HTR7: variants seen among roughly 807,000 people sequenced by gnomAD.
The protein encoded by HTR7 is 5-hydroxytryptamine receptor 7.
Under a neutral mutation model 34.0 loss-of-function variants are expected in HTR7, and 16 were observed. The observed-to-expected ratio is 0.47, with a 90% CI of 0.32 to 0.71. The LOEUF is 0.71. Among genes scored for constraint, HTR7 ranks in the 30% least tolerant of loss-of-function variants. The pLI is 0.04. For synonymous variants in HTR7, 265 were observed against 260.2 expected (o/e 1.02, Z -0.18); for missense variants, 504 against 625.5 (o/e 0.81, Z 2.07).
intron 1 of HTR7, among the ~76,000 whole-genome samples, chr10:90,855,986 A>T (rs1781153401): frequency 6.6e-6 from 1 of 152,196 alleles, no homozygotes; most frequent in African/African-American, 2.4e-5. Flanking sequence ...AGCAAACCAC[A>T]AACAGCAGTG....
Position 90,857,038 on chromosome 10 carries a change from G to A in HTR7, c.539+95C>T, listed in dbSNP as rs1017346355. 3.3e-6 allele frequency: 4 copies of A among 1,194,688 alleles called. No individual in the cohort carries two copies. The highest frequency in any genetic ancestry group is 4.6e-6 in the Non-Finnish European group (4 of 863,374). The allele number at this position is 1,194,688 out of a possible 1,614,324, so 74.0% of individuals were successfully genotyped here. On this transcript the variant is annotated intron_variant, in intron 1 of 3. Coordinates refer to ENST00000336152, the MANE Select transcript of HTR7 (RefSeq NM_019859.4). The surrounding 1 kb of genome is among the most constrained non-coding windows in gnomAD (Gnocchi z 6.5). ...GCGCAGCCCTTCATCCCGCCTTGAA[G>A]TCTAGCTTGATCCTCCCAGGAAAGG...
chr10:90,805,066 T>C (rs1032508185), intron 1 of HTR7, among the ~76,000 whole-genome samples: 4 of 152,196 alleles, frequency 2.6e-5, no homozygotes, highest in Admixed American at 2.0e-4. Flanking sequence ...TCTCTAGCTT[T>C]TGCAGGGTAC....
chr10:90,786,388 T>C (rs973468178), intron 1 of HTR7, among the ~76,000 whole-genome samples: 2 of 152,200 alleles, frequency 1.3e-5, no homozygotes, highest in African/African-American at 4.8e-5. Flanking sequence ...CATATGTATT[T>C]TGGGGAATTT....
intron 1 of HTR7, among the ~76,000 whole-genome samples, chr10:90,770,661 C>T (rs1454458086): frequency 3.9e-5 from 6 of 152,134 alleles, no homozygotes; most frequent in Non-Finnish European, 5.9e-5. Context: ...AGCCCCCTGT[C>T]GCCCTGGCCC....
At chr10:90,747,811 G>A (rs1390101988) in intron 2 of HTR7, among the ~76,000 whole-genome samples, 1 of 152,182 alleles carries the variant, frequency 6.6e-6, no homozygotes, top group Non-Finnish European at 1.5e-5. Flanking sequence ...TCTCTCACCA[G>A]AACCTTCCAA....
At chr10:90,791,841 T>C (rs538517482) in intron 1 of HTR7, among the ~76,000 whole-genome samples, 17 of 152,278 alleles carry the variant, frequency 1.1e-4, no homozygotes, top group Non-Finnish European at 1.3e-4. Flanking sequence ...GACAGGGGTT[T>C]TGGCTCCTCA....
At chr10:90,754,692 G>A (rs1376161069) in intron 1 of HTR7, among the ~76,000 whole-genome samples, 1 of 152,208 alleles carries the variant, frequency 6.6e-6, no homozygotes, top group Non-Finnish European at 1.5e-5. Context: ...AGAGGGATCG[G>A]AAGTAAATTA....
chr10:90,785,000 T>C (rs112741138), intron 1 of HTR7, among the ~76,000 whole-genome samples: 277 of 152,314 alleles, frequency 1.8e-3, no homozygotes, highest in African/African-American at 5.9e-3. Flanking sequence ...AGATATCAGC[T>C]AGGATGCCGT....
At chr10:90,815,646 A>G (rs1391324589) in intron 1 of HTR7, among the ~76,000 whole-genome samples, 3 of 152,138 alleles carry the variant, frequency 2.0e-5, no homozygotes, top group Non-Finnish European at 2.9e-5. Flanking sequence ...TGACGGGATG[A>G]TATGTGCAAC....
At chr10:90,764,549 T>C (rs1844991058) in intron 1 of HTR7, among the ~76,000 whole-genome samples, 1 of 152,186 alleles carries the variant, frequency 6.6e-6, no homozygotes, top group Non-Finnish European at 1.5e-5. Flanking sequence ...AGAGTTTTGG[T>C]ACAGTTTTTT....
rs543199379 is a variant in HTR7 at position 90,811,511 on chromosome 10, G to A, written c.539+45622C>T. Among the ~76,000 whole-genome samples, 42 of 152,106 alleles carry A rather than the reference G, an allele frequency of 2.8e-4. No homozygotes were observed. In the East Asian group the frequency reaches 6.0e-3, roughly 22 times the overall value. On this transcript the variant is annotated intron_variant, in intron 1 of 3. Coordinates refer to ENST00000336152, the MANE Select transcript of HTR7 (RefSeq NM_019859.4). Reference sequence around the variant, plus strand: ...TTTATTGATGGCAGTTCCACCAGGCGTAATCGCCACACACCAGCAAAGGCA... The same window carrying A: ...TTTATTGATGGCAGTTCCACCAGGCATAATCGCCACACACCAGCAAAGGCA...
intron 1 of HTR7, among the ~76,000 whole-genome samples, chr10:90,796,343 T>C (rs116653000): frequency 0.016 from 2,470 of 152,312 alleles, 83 homozygotes; most frequent in African/African-American, 0.055. Context: ...GGGAAACTGT[T>C]CCACAACACA....
chr10:90,772,151 G>A (rs911399727), intron 1 of HTR7, among the ~76,000 whole-genome samples: 4 of 151,918 alleles, frequency 2.6e-5, no homozygotes, highest in African/African-American at 9.7e-5. Context: ...AAAACCCTAG[G>A]TCATAGCAGC....
chr10:90,789,222 C>T (rs116351602), intron 1 of HTR7, among the ~76,000 whole-genome samples: 2,403 of 152,228 alleles, frequency 0.016, 79 homozygotes, highest in African/African-American at 0.054. Context: ...CATTGTTATA[C>T]CACAAAAAGC....
intron 1 of HTR7, among the ~76,000 whole-genome samples, chr10:90,816,387 T>C (rs1845899297): frequency 6.6e-6 from 1 of 152,160 alleles, no homozygotes; most frequent in African/African-American, 2.4e-5. Context: ...TTCTTTTTAG[T>C]AAAAAAGGAG....
At position 90,838,177 on chromosome 10, in the gene HTR7, G is replaced by A. The variant is rs190456493; in HGVS notation, c.539+18956C>T. Among the ~76,000 whole-genome samples the A allele has an allele frequency of 3.9e-5, 6 of 152,174 alleles. No individual in the cohort carries two copies. In the East Asian group the frequency reaches 9.7e-4, roughly 24 times the overall value. On this transcript the variant is annotated intron_variant, in intron 1 of 3. Transcript: ENST00000336152. ...CTAGACTCATATTCAAATGTCTATT[G>A]ATATAAAATTTATCAATCAAAATAG... is the stretch of plus-strand genomic sequence containing the variant.
In HTR7 at chr10:90,858,032, C is replaced by G. The variant is rs1255729105; in HGVS notation, c.-361G>C. ...GCCCGGGCGGCAGCGGCAGAAGTTG[C>G]GGAGTGCGCCCCGCCCCTCGCGCCC... On this transcript the variant is annotated 5_prime_UTR_variant, in exon 1 of 4. Coordinates refer to ENST00000336152, the MANE Select transcript of HTR7 (RefSeq NM_019859.4). Among the ~76,000 whole-genome samples, 3 of 147,842 alleles carry G rather than the reference C, an allele frequency of 2.0e-5. No homozygotes were observed. The highest frequency in any genetic ancestry group is 4.5e-5 in the Non-Finnish European group (3 of 66,486).
In HTR7 at chr10:90,743,648, C is replaced by G; in HGVS notation, c.1338G>C (p.Arg446Ser). The G allele has an allele frequency of 6.2e-7, 1 of 1,613,990 alleles. No individual in the cohort carries two copies. The highest frequency in any genetic ancestry group is 1.3e-5 in the African/African-American group (1 of 75,022). Residue 446 changes from arginine to serine, a missense_variant, in exon 3 of 4, where the codon AGG (arginine) becomes AGC (serine). By Grantham distance (110) the Arg-to-Ser change is moderately radical. This residue lies in a region of HTR7 where 154 missense variants were observed against 212.1 expected (regional missense o/e 0.73). Coordinates refer to ENST00000336152, the MANE Select transcript of HTR7 (RefSeq NM_019859.4). ...GTAGCACCCACACAGATACCGGTGG[C>G]CTCTTTTCTGGTCTCAACAGCACCC... ...TRRVLLRPEK[R>S]PPVSVWVLQS...
intron 2 of HTR7, chr10:90,743,975 G>A: frequency 1.8e-6 from 1 of 571,334 alleles, no homozygotes; most frequent in Non-Finnish European, 3.4e-6. Flanking sequence ...GGAGAAATGG[G>A]TAAATATTTG....
Sources: gnomAD v4.1 joint callset for allele counts (sites outside exome capture counted in the v4.1 genomes callset) on GRCh38, gnomAD v4.1.1 for gene constraint, gnomAD v4.1.1 regional missense constraint, Gnocchi (gnomAD v3.1) non-coding constraint, MANE v1.5 for transcripts, NCBI Gene and HGNC (gene_info 2026-07-23, HGNC 2026-07-21) for gene names.